RIN2: variants seen among roughly 807,000 people sequenced by gnomAD.
The protein encoded by RIN2 is RAB5 interacting protein 2.
RIN2 carries 36 observed loss-of-function variants against 78.0 expected under a neutral mutation model. That is an observed-to-expected ratio of 0.46 (90% CI 0.35 to 0.61). The LOEUF (loss-of-function observed/expected upper bound fraction) is 0.61. RIN2 is among the 20% of genes least tolerant of loss of function. The pLI is 0.00. For synonymous variants in RIN2, 466 were observed against 466.8 expected (o/e 1.00, Z 0.02); for missense variants, 1,087 against 1,159.7 (o/e 0.94, Z 0.91).
At chr20:19,820,124 G>A (rs6046343) in intron 2 of RIN2, among the ~76,000 whole-genome samples, 3,849 of 152,234 alleles carry the variant, frequency 0.025, 173 homozygotes, top group African/African-American at 0.088. Context: ...TATTCTAGGC[G>A]ATTTGTTGCC....
At chr20:19,933,572 G>C (rs1387486109) in intron 3 of RIN2, among the ~76,000 whole-genome samples, 1 of 152,062 alleles carries the variant, frequency 6.6e-6, no homozygotes, top group African/African-American at 2.4e-5. Flanking sequence ...GATCTTCTCA[G>C]CTCCACTCCC....
At chr20:19,764,926 T>TTTTTTGTTTG (rs1568731183) in intron 1 of RIN2, among the ~76,000 whole-genome samples, 1 of 116,576 alleles carries the variant, frequency 8.6e-6, no homozygotes, top group African/African-American at 3.6e-5. Context: ...GCGTTTTTTT[T>TTTTTTGTTTG]TTTTTTTTTT....
chr20:19,888,030 A>G (rs2123480778), intron 2 of RIN2, among the ~76,000 whole-genome samples: 1 of 152,160 alleles, frequency 6.6e-6, no homozygotes, highest in East Asian at 1.9e-4. Context: ...CTAATGAGTG[A>G]TGAACCCCAG....
intron 3 of RIN2, among the ~76,000 whole-genome samples, chr20:19,930,873 A>G (rs898087035): frequency 6.6e-6 from 1 of 152,218 alleles, no homozygotes; most frequent in Admixed American, 6.5e-5. Flanking sequence ...AAGTACTTTA[A>G]GCATACAGAA....
rs745383599 is a variant in RIN2 at position 19,974,929 on chromosome 20, G to A, written c.904G>A (p.Glu302Lys). 1 of 1,613,612 alleles carries A rather than the reference G, an allele frequency of 6.2e-7. No homozygotes were observed. Among genetic ancestry groups the A allele is most frequent in the African/African-American group, 1.3e-5 (1 of 74,934 alleles). Residue 302 changes from glutamate to lysine, a missense_variant, in exon 9 of 13, where the codon GAG becomes AAG. Around this residue, in one of 8 missense-constraint regions of RIN2, gnomAD observed 706 missense variants for 667.5 expected, o/e 1.06. Coordinates refer to ENST00000255006, the MANE Select transcript of RIN2 (RefSeq NM_018993.4). The part of the protein sequence containing the change: ...STRTPNANGT[E>K]RTRSPPPRPP... Reference sequence around the variant, plus strand: ...AAGGACTCCCAACGCGAATGGCACGGAGCGGACTCGGTCCCCCCCACCCAG... The same window carrying A: ...AAGGACTCCCAACGCGAATGGCACGAAGCGGACTCGGTCCCCCCCACCCAG...
chr20:19,823,173 C>T (rs1031298964), intron 2 of RIN2, among the ~76,000 whole-genome samples: 3 of 152,098 alleles, frequency 2.0e-5, no homozygotes, highest in African/African-American at 4.8e-5. Flanking sequence ...GTTTAATAGT[C>T]GTAGAGCCAT....
intron 9 of RIN2, among the ~76,000 whole-genome samples, chr20:19,980,278 C>T (rs1414500503): frequency 1.3e-5 from 2 of 152,136 alleles, no homozygotes; most frequent in African/African-American, 4.8e-5. Context: ...AAATAGAAGA[C>T]CACGACAAGA....
chr20:19,994,579 C>G (rs1167856551), intron 11 of RIN2, among the ~76,000 whole-genome samples: 1 of 152,098 alleles, frequency 6.6e-6, no homozygotes, highest in Non-Finnish European at 1.5e-5. Flanking sequence ...CCTTAGCGTC[C>G]TGAACAGATG....
At chr20:19,864,040 A>C (rs2037424501) in intron 2 of RIN2, among the ~76,000 whole-genome samples, 1 of 151,960 alleles carries the variant, frequency 6.6e-6, no homozygotes, top group South Asian at 2.1e-4. Flanking sequence ...TTTTTTTTTA[A>C]TGTATAAGAC....
intron 2 of RIN2, among the ~76,000 whole-genome samples, chr20:19,856,667 G>A (rs2037179697): frequency 6.6e-6 from 1 of 152,080 alleles, no homozygotes; most frequent in Non-Finnish European, 1.5e-5. Flanking sequence ...ATATTGCCAT[G>A]GTTTAATTGG....
At chr20:19,939,640 A>C (rs1389938887) in intron 4 of RIN2, among the ~76,000 whole-genome samples, 3 of 151,218 alleles carry the variant, frequency 2.0e-5, no homozygotes, top group African/African-American at 7.3e-5. Flanking sequence ...TCTCCCCATC[A>C]CTCAGCTCCA....
chr20:19,853,067 G>A (rs1338621134), intron 2 of RIN2, among the ~76,000 whole-genome samples: 49 of 132,920 alleles, frequency 3.7e-4, no homozygotes, highest in Non-Finnish European at 5.0e-4. Flanking sequence ...AGTGTGTGAT[G>A]TTCCCCTTCC....
chr20:19,905,778 C>A (rs78833474), intron 3 of RIN2, among the ~76,000 whole-genome samples: 11,034 of 152,212 alleles, frequency 0.072, 494 homozygotes, highest in East Asian at 0.17. Context: ...TGGAACCCAG[C>A]CATTCACTCA....
Position 19,792,939 on chromosome 20 carries a change from C to CTGTGTGTGTG in RIN2, c.-162-6661_-162-6652dup, listed in dbSNP as rs36049213. ...CAAGGTATTTTAGGCTAAGCAGCCA[C>CTGTGTGTGTG]TGTGTGTGTGTGTGTGTGTGTGTGT... On this transcript the variant is annotated intron_variant, in intron 1 of 12. Transcript: ENST00000255006. Among the ~76,000 whole-genome samples, 462 of 147,234 alleles carry CTGTGTGTGTG rather than the reference C, an allele frequency of 3.1e-3. 1 individual carries two copies. Among genetic ancestry groups the CTGTGTGTGTG allele is most frequent in the South Asian group, 0.013 (58 of 4,582 alleles).
At chr20:19,846,525 T>C (rs1289395537) in intron 2 of RIN2, among the ~76,000 whole-genome samples, 1 of 152,166 alleles carries the variant, frequency 6.6e-6, no homozygotes. Context: ...TGGCTCTCTA[T>C]TATTGGTGTA....
chr20:19,933,254 G>A (rs1308706558), intron 3 of RIN2, among the ~76,000 whole-genome samples: 2 of 152,188 alleles, frequency 1.3e-5, no homozygotes, highest in Admixed American at 1.3e-4. Context: ...AAGACTCAAG[G>A]TGGTGAATAC....
intron 1 of RIN2, among the ~76,000 whole-genome samples, chr20:19,795,812 C>T (rs1420654171): frequency 6.6e-6 from 1 of 152,162 alleles, no homozygotes; most frequent in Non-Finnish European, 1.5e-5. Context: ...AAAAGACCAG[C>T]ACCCCCAAAC....
intron 3 of RIN2, among the ~76,000 whole-genome samples, chr20:19,912,159 C>G (rs746784178): frequency 6.6e-6 from 1 of 152,238 alleles, no homozygotes; most frequent in African/African-American, 2.4e-5. Context: ...CTCAAGTACA[C>G]GTCAACTGGA....
intron 12 of RIN2, among the ~76,000 whole-genome samples, chr20:20,000,118 C>G (rs1248016639): frequency 6.6e-6 from 1 of 152,138 alleles, no homozygotes; most frequent in Non-Finnish European, 1.5e-5. Context: ...TCACTTGAGC[C>G]CAGCGGTATG....
Sources: allele counts gnomAD v4.1 joint callset (sites outside exome capture counted in the v4.1 genomes callset), GRCh38; gene constraint gnomAD v4.1.1; regional missense constraint gnomAD v4.1.1; transcripts MANE v1.5; gene names NCBI Gene and HGNC (gene_info 2026-07-23, HGNC 2026-07-21).